DAAM1: variants seen among roughly 807,000 people sequenced by gnomAD.
DAAM1 encodes disheveled-associated activator of morphogenesis 1.
Under a neutral mutation model 130.0 loss-of-function variants are expected in DAAM1, and 52 were observed. The observed-to-expected ratio is 0.40, with a 90% confidence interval of 0.32 to 0.50. The LOEUF (loss-of-function observed/expected upper bound fraction) is 0.50, where lower values mean the gene tolerates loss of function less well. Ranked by LOEUF, DAAM1 falls within the 20% of genes least tolerant of loss-of-function variation. The pLI, the probability that DAAM1 is intolerant of heterozygous loss-of-function variation, is 0.61. For missense variants in DAAM1, 1,134 were observed against 1,303.8 expected, an observed-to-expected ratio of 0.87 and a Z score of 2.01; for synonymous variants, 452 against 444.5, an observed-to-expected ratio of 1.02 and a Z score of -0.21.
At chr14:59,283,300 A>G (rs570530170) in intron 2 of DAAM1, among the ~76,000 whole-genome samples, 6 of 152,316 alleles carry the variant, frequency 3.9e-5, no homozygotes, top group Admixed American at 6.5e-5. Flanking sequence ...CCATTCATCA[A>G]TAGTTAAGTG....
intron 1 of DAAM1, among the ~76,000 whole-genome samples, chr14:59,253,508 T>C (rs1356277778): frequency 6.6e-6 from 1 of 152,226 alleles, no homozygotes; most frequent in Admixed American, 6.5e-5. Flanking sequence ...TTAGTGAGTT[T>C]TAAAATTTGC....
At position 59,360,812 on chromosome 14, in the gene DAAM1, C is replaced by T. The variant is rs199530272; in HGVS notation, c.2644C>T (p.Leu882=). The stretch of plus-strand genomic sequence containing the variant: ...TGCTATTTACAACAGCATGACTGAG[C>T]TGGACAAAGAAATAAGTACCTTGAG... The part of the protein sequence containing the change: ...PQAAKVNMTE[L]DKEISTLRSG... Residue 882 remains leucine (L), a synonymous_variant, in exon 22 of 25, where the codon CTG becomes TTG. Coordinates refer to ENST00000360909, the MANE Select transcript of DAAM1 (RefSeq NM_001270520.2). 1.9e-6 allele frequency: 3 copies of T among 1,613,716 alleles called. No homozygotes were observed. In the Admixed American group the frequency reaches 5.0e-5, roughly 27 times the overall value.
chr14:59,238,212 A>C (rs1889362954), intron 1 of DAAM1, among the ~76,000 whole-genome samples: 1 of 152,162 alleles, frequency 6.6e-6, no homozygotes, highest in Admixed American at 6.5e-5. Context: ...AGAGATAGGG[A>C]GTGGCTGGTT....
intron 2 of DAAM1, chr14:59,265,432 C>T (rs919376740): frequency 3.3e-5 from 5 of 152,158 alleles, no homozygotes; most frequent in Admixed American, 2.6e-4. Flanking sequence ...AATAGAAAGC[C>T]AGAACCTGCC....
At chr14:59,347,742 C>G (rs145775240) in intron 17 of DAAM1, 119 bp downstream of exon 17, 1 of 930,494 alleles carries the variant, frequency 1.1e-6, no homozygotes, top group East Asian at 2.7e-5. Context: ...ATTGAGGAGG[C>G]TGAACCAAGT....
At chr14:59,308,447 G>A (rs959233010) in intron 3 of DAAM1, among the ~76,000 whole-genome samples, 10 of 152,118 alleles carry the variant, frequency 6.6e-5, no homozygotes, top group East Asian at 5.8e-4. Flanking sequence ...AGTTCCCAGG[G>A]ACCAAACAAA....
At chr14:59,269,835 G>T (rs1046039856) in intron 2 of DAAM1, among the ~76,000 whole-genome samples, 1 of 152,150 alleles carries the variant, frequency 6.6e-6, no homozygotes. Flanking sequence ...GTGAGAGAAG[G>T]CATGGAAGGC....
chr14:59,193,428 G>C (rs953325618), intron 1 of DAAM1, among the ~76,000 whole-genome samples: 7 of 152,020 alleles, frequency 4.6e-5, no homozygotes, highest in Non-Finnish European at 1.0e-4. Context: ...ATTTCATCCA[G>C]CAGATTTTTT....
At chr14:59,227,825 T>C (rs1888988122) in intron 1 of DAAM1, among the ~76,000 whole-genome samples, 1 of 152,170 alleles carries the variant, frequency 6.6e-6, no homozygotes, top group South Asian at 2.1e-4. Flanking sequence ...AGAGCACCCA[T>C]AGGGGCACCC....
rs17096128 is a variant in DAAM1, at chr14:59,341,929, G to C, written c.2075+1749G>C. On this transcript the variant is annotated intron_variant, in intron 16 of 24. Transcript: ENST00000360909. The stretch of plus-strand genomic sequence containing the variant: ...CCTTTAGAGTAAAAACTGTGACCTC[G>C]TTCCTTATTGACAGATTATTCAGTA... Among the ~76,000 whole-genome samples the C allele has an allele frequency of 6.8e-3, 1,032 of 152,120 alleles. 15 individuals are homozygous for C. The highest frequency in any genetic ancestry group is 0.024 in the African/African-American group (997 of 41,486).
chr14:59,265,008 T>C (rs1490421257), intron 2 of DAAM1: 1 of 152,246 alleles, frequency 6.6e-6, no homozygotes, highest in Non-Finnish European at 1.5e-5. Context: ...ATCTCATTTG[T>C]AATGGAGTTA....
intron 1 of DAAM1, among the ~76,000 whole-genome samples, chr14:59,203,202 G>A (rs1222755113): frequency 7.2e-6 from 1 of 138,580 alleles, no homozygotes; most frequent in Non-Finnish European, 1.5e-5. Context: ...TAGAGATGGG[G>A]TTTCACCATA....
In DAAM1 at chr14:59,325,664, G is replaced by A. The variant is rs749063991; in HGVS notation, c.990G>A (p.Arg330=). 2 of 1,613,488 alleles carry A rather than the reference G, an allele frequency of 1.2e-6. No homozygotes were observed. Among genetic ancestry groups the A allele is most frequent in the South Asian group, 1.1e-5 (1 of 91,042 alleles). The change falls in exon 9 of 25, where the codon AGG becomes AGA. Residue 330 remains arginine, a splice_region_variant and synonymous_variant. Coordinates refer to ENST00000360909, the MANE Select transcript of DAAM1 (RefSeq NM_001270520.2). ...TAACTTTTCTTTCATTATTTTTCAG[G>A]CATTTAGACTTTTTTGAAATGCTCC... ...LREHENSTLD[R]HLDFFEMLRN...
chr14:59,287,838 C>T (rs1279014530), intron 2 of DAAM1, among the ~76,000 whole-genome samples: 2 of 152,058 alleles, frequency 1.3e-5, no homozygotes, highest in Non-Finnish European at 2.9e-5. Flanking sequence ...TTAAAATGAC[C>T]ATACTGCCCA....
At chr14:59,342,365 T>G (rs1885883776) in intron 16 of DAAM1, among the ~76,000 whole-genome samples, 1 of 152,194 alleles carries the variant, frequency 6.6e-6, no homozygotes, top group Admixed American at 6.5e-5. Context: ...GTTGTTTTAC[T>G]CTCTCATCAG....
At chr14:59,346,141 G>C (rs796860931) in intron 16 of DAAM1, among the ~76,000 whole-genome samples, 16 of 37,488 alleles carry the variant, frequency 4.3e-4, no homozygotes, top group African/African-American at 1.2e-3. Flanking sequence ...TTTTTTTTGG[G>C]GGGGGGGGGG....
chr14:59,256,741 G>A (rs1881906114), intron 1 of DAAM1, among the ~76,000 whole-genome samples: 1 of 152,062 alleles, frequency 6.6e-6, no homozygotes, highest in Non-Finnish European at 1.5e-5. Context: ...CTTCTTCATC[G>A]GACAGGAAAA....
intron 17 of DAAM1, among the ~76,000 whole-genome samples, chr14:59,348,304 A>G (rs544148623): frequency 6.6e-6 from 1 of 152,344 alleles, no homozygotes; most frequent in African/African-American, 2.4e-5. Flanking sequence ...CAGTATTTCT[A>G]TAGCATTTCT....
At chr14:59,338,985 C>G (rs1170481089) in intron 15 of DAAM1, among the ~76,000 whole-genome samples, 3 of 152,188 alleles carry the variant, frequency 2.0e-5, no homozygotes, top group Non-Finnish European at 4.4e-5. Context: ...GTAGTACAGA[C>G]TCATGTTAAA....
Sources: gnomAD v4.1 joint callset for allele counts (sites outside exome capture counted in the v4.1 genomes callset) on GRCh38, gnomAD v4.1.1 for gene constraint, MANE v1.5 for transcripts, NCBI Gene and HGNC (gene_info 2026-07-23, HGNC 2026-07-21) for gene names.